ANKRD29: variants seen among roughly 807,000 people sequenced by gnomAD.
The protein encoded by ANKRD29 is ankyrin repeat domain-containing protein 29.
In ANKRD29, 32 loss-of-function variants were observed where a neutral mutation model predicts 38.0. That is an observed-to-expected ratio of 0.84 (90% confidence interval 0.64 to 1.13). The LOEUF (loss-of-function observed/expected upper bound fraction) is 1.13. ANKRD29 is among the 50% of genes most tolerant of loss of function. The probability of loss-of-function intolerance (pLI) is 0.00; values close to 1 mark genes in which losing one functional copy is unlikely to be tolerated. For missense variants in ANKRD29, 357 were observed against 377.9 expected, an observed-to-expected ratio of 0.94 and a Z score of 0.46; for synonymous variants, 135 against 152.4, an observed-to-expected ratio of 0.89 and a Z score of 0.84.
At position 23,662,847 on chromosome 18, in the gene ANKRD29, G is replaced by T; in HGVS notation, c.-117C>A. The stretch of plus-strand genomic sequence containing the variant: ...CCGCAGAGGGGCGGCCTCCGACGCC[G>T]CGCGCTCCCGCCGCCCGGCCCGGCA... On this transcript the variant is annotated 5_prime_UTR_variant, in exon 1 of 10. Coordinates refer to ENST00000592179, the MANE Select transcript of ANKRD29 (RefSeq NM_173505.4). The T allele has an allele frequency of 2.1e-6, 2 of 966,854 alleles. No homozygotes were observed. Among genetic ancestry groups the T allele is most frequent in the Non-Finnish European group, 2.6e-6 (2 of 783,338 alleles). 59.9% of individuals were successfully genotyped at this position (966,854 alleles called of 1,614,324 possible). A position where few individuals can be genotyped will look rare whatever the true frequency, so the allele number is the denominator to read the frequency against.
At chr18:23,639,295 C>G in intron 3 of ANKRD29, among the ~76,000 whole-genome samples, 1 of 152,022 alleles carries the variant, frequency 6.6e-6, no homozygotes, top group Non-Finnish European at 1.5e-5. Context: ...AAGTGTCCTT[C>G]TAAGAGTGAG....
chr18:23,618,418 C>T (rs1787986860), intron 7 of ANKRD29: 1 of 152,314 alleles, frequency 6.6e-6, no homozygotes, highest in Non-Finnish European at 1.5e-5. Context: ...AACCCCGTCT[C>T]TACCAAAAAT....
intron 6 of ANKRD29, among the ~76,000 whole-genome samples, chr18:23,626,938 C>T (rs2145677963): frequency 6.6e-6 from 1 of 152,364 alleles, no homozygotes; most frequent in Non-Finnish European, 1.5e-5. Context: ...GCAGGTATTC[C>T]TGTCCTCATT....
At chr18:23,660,243 C>T (rs1184072687) in intron 1 of ANKRD29, among the ~76,000 whole-genome samples, 4 of 152,224 alleles carry the variant, frequency 2.6e-5, no homozygotes, top group East Asian at 1.9e-4. Flanking sequence ...GCCATCCTAG[C>T]GGGTATGAAG....
chr18:23,613,007 A>G (rs1365737877), intron 8 of ANKRD29, among the ~76,000 whole-genome samples: 1 of 152,060 alleles, frequency 6.6e-6, no homozygotes, highest in Non-Finnish European at 1.5e-5. Context: ...GATTTTGTAA[A>G]AGAGTAAAAT....
At chr18:23,612,063 A>G in intron 9 of ANKRD29, 29 bp downstream of exon 9, 1 of 1,604,772 alleles carries the variant, frequency 6.2e-7, no homozygotes, top group Non-Finnish European at 8.5e-7. Context: ...AATGGGCCCA[A>G]ACGAGTTAAA....
intron 1 of ANKRD29, among the ~76,000 whole-genome samples, chr18:23,655,792 T>G (rs1310713173): frequency 6.7e-6 from 1 of 149,232 alleles, no homozygotes; most frequent in Non-Finnish European, 1.5e-5. Context: ...GAGTTTCGTT[T>G]TACTTTAAAA....
chr18:23,616,594 A>ATATAT (rs1568013855), intron 8 of ANKRD29, among the ~76,000 whole-genome samples: 1 of 141,258 alleles, frequency 7.1e-6, no homozygotes, highest in African/African-American at 2.7e-5. Flanking sequence ...ATATATATAT[A>ATATAT]CTATATATAC....
chr18:23,625,998 T>C (rs909316550), intron 6 of ANKRD29, among the ~76,000 whole-genome samples: 3 of 152,190 alleles, frequency 2.0e-5, no homozygotes, highest in African/African-American at 7.2e-5. Flanking sequence ...TGGCAGTCGA[T>C]ACACTTTTTC....
chr18:23,617,103 C>G (rs2059733380), intron 8 of ANKRD29, among the ~76,000 whole-genome samples: 1 of 151,902 alleles, frequency 6.6e-6, no homozygotes, highest in Non-Finnish European at 1.5e-5. Context: ...TGTAATCCCA[C>G]CTACTTGGGA....
At position 23,649,091 on chromosome 18, in the gene ANKRD29, T is replaced by G; in HGVS notation, c.124A>C (p.Arg42=). 1 of 1,614,072 alleles carries G rather than the reference T, an allele frequency of 6.2e-7. No homozygotes were observed. The highest frequency in any genetic ancestry group is 8.5e-7 in the Non-Finnish European group (1 of 1,179,944). Reference sequence around the variant, plus strand: ...CTACCGAACCACCGTACGCTGTCTCTGCAGTCCACGTCCACCCGGCCGCTG... The same window carrying G: ...CTACCGAACCACCGTACGCTGTCTCGGCAGTCCACGTCCACCCGGCCGCTG... ...LNSGRVDVDC[R]DSHGTTLLMV... The change falls in exon 2 of 10, where the codon AGA becomes CGA. Residue 42 remains arginine, a synonymous_variant. Coordinates refer to ENST00000592179, the MANE Select transcript of ANKRD29 (RefSeq NM_173505.4).
In ANKRD29 at chr18:23,601,073, C is replaced by CA. The variant is rs1427662612; in HGVS notation, c.*152dup. On this transcript the variant is annotated 3_prime_UTR_variant, in exon 10 of 10. Transcript: ENST00000592179. ...GCTGTTTGGTTCTTGACTTCGTGCA[C>CA]AGAGCGTAGCTCTTCTTTGTCAGGG... is the stretch of plus-strand genomic sequence containing the variant. 1.5e-6 allele frequency: 1 copy of CA among 650,172 alleles called. No individual in the cohort carries two copies. The highest frequency in any genetic ancestry group is 2.6e-6 in the Non-Finnish European group (1 of 385,404). The allele number at this position is 650,172 out of a possible 1,614,324, so 40.3% of individuals were successfully genotyped here. A position where few individuals can be genotyped will look rare whatever the true frequency, so the allele number is the denominator to read the frequency against.
intron 9 of ANKRD29, 54 bp from the exon 10 acceptor site, chr18:23,601,363 G>T (rs34292745): frequency 4.6e-6 from 7 of 1,516,588 alleles, no homozygotes; most frequent in Non-Finnish European, 6.4e-6. Context: ...TGTGGTTTTA[G>T]GGACTCCAAA....
At chr18:23,606,298 C>A (rs1287165948) in intron 9 of ANKRD29, among the ~76,000 whole-genome samples, 1 of 152,080 alleles carries the variant, frequency 6.6e-6, no homozygotes, top group Non-Finnish European at 1.5e-5. Flanking sequence ...TTTTTAATTT[C>A]TTAAAGAGAT....
At chr18:23,620,595 G>A (rs112927480) in intron 6 of ANKRD29, among the ~76,000 whole-genome samples, 4,643 of 152,230 alleles carry the variant, frequency 0.03, 129 homozygotes, top group South Asian at 0.12. Context: ...GTTGAATCTC[G>A]CGTGTGTTGT....
rs2145620781 is a variant in ANKRD29 at position 23,600,425 on chromosome 18, A to G, written c.*801T>C. 6.6e-6 allele frequency: 1 copy of G among 152,370 alleles called. No homozygotes were observed. Among genetic ancestry groups the G allele is most frequent in the Admixed American group, 6.5e-5 (1 of 15,306 alleles). 9.4% of individuals were successfully genotyped at this position (152,370 alleles called of 1,614,324 possible). On this transcript the variant is annotated 3_prime_UTR_variant, in exon 10 of 10. Transcript: ENST00000592179. ...GAATAGGAAATAGATTCCCAACAAT[A>G]GAGCCAAAATAAAAGACCAAAGAGA...
At chr18:23,655,269 T>C (rs928129949) in intron 1 of ANKRD29, among the ~76,000 whole-genome samples, 1 of 150,170 alleles carries the variant, frequency 6.7e-6, no homozygotes, top group Non-Finnish European at 1.5e-5. Context: ...ATATATCTCA[T>C]TACACTTCAC....
chr18:23,621,155 G>GT (rs1187369009), intron 6 of ANKRD29, among the ~76,000 whole-genome samples: 1 of 152,214 alleles, frequency 6.6e-6, no homozygotes, highest in Non-Finnish European at 1.5e-5. Context: ...GGTAATTATG[G>GT]TAATATGCCC....
chr18:23,604,398 A>C (rs2059550327), intron 9 of ANKRD29, among the ~76,000 whole-genome samples: 1 of 151,996 alleles, frequency 6.6e-6, no homozygotes, highest in South Asian at 2.1e-4. Context: ...ACTTTCTGAG[A>C]AACTGGATAT....
Sources: gnomAD v4.1 joint callset for allele counts (sites outside exome capture counted in the v4.1 genomes callset) on GRCh38, gnomAD v4.1.1 for gene constraint, MANE v1.5 for transcripts, NCBI Gene and HGNC (gene_info 2026-07-23, HGNC 2026-07-21) for gene names.